Variants in ZFC3H1 observed in about 807,000 individuals in gnomAD.
ZFC3H1 encodes the protein zinc finger C3H1 domain-containing protein.
ZFC3H1 carries 71 observed loss-of-function variants against 243.7 expected under a neutral mutation model. The observed-to-expected ratio is 0.29, with a 90% CI of 0.24 to 0.36. ZFC3H1 has a LOEUF of 0.36. ZFC3H1 is among the 10% of genes least tolerant of loss of function. ZFC3H1 has a pLI of 1.00. For synonymous variants in ZFC3H1, 838 were observed against 813.0 expected (o/e 1.03, Z -0.52); for missense variants, 1,966 against 2,317.1 (o/e 0.85, Z 3.11).
chr12:71,634,699 C>A lies in ZFC3H1; in HGVS notation c.2360+5G>T. Reference sequence around the variant, plus strand: ...TTAATGTTAATTACATAAAATTACACTTACTTGGCAATCTCTTCCTTTAAC... The same window carrying A: ...TTAATGTTAATTACATAAAATTACAATTACTTGGCAATCTCTTCCTTTAAC... On this transcript the variant is annotated splice_donor_5th_base_variant and intron_variant, in intron 11 of 34. Coordinates refer to ENST00000378743, the MANE Select transcript of ZFC3H1 (RefSeq NM_144982.5). The A allele has an allele frequency of 6.3e-7, 1 of 1,578,670 alleles. No homozygotes were observed.
At position 71,615,463 on chromosome 12, in the gene ZFC3H1, A is replaced by C. The variant is rs111281133; in HGVS notation, c.5145-147T>G. 3.2e-5 allele frequency: 20 copies of C among 619,110 alleles called. No individual in the cohort carries two copies. In the African/African-American group the frequency reaches 3.5e-4, roughly 11 times the overall value. The allele number at this position is 619,110 out of a possible 1,614,324, so 38.4% of individuals were successfully genotyped here. A position where few individuals can be genotyped will look rare whatever the true frequency, so the allele number is the denominator to read the frequency against. On this transcript the variant is annotated intron_variant, in intron 27 of 34. Transcript: ENST00000378743. ...GAGACTTTCTTTTCATAGGTATACC[A>C]TACCTCTTTGGTCACATCTCTAGGA...
At chr12:71,660,004 G>A (rs578046662) in intron 1 of ZFC3H1, among the ~76,000 whole-genome samples, 1 of 152,248 alleles carries the variant, frequency 6.6e-6, no homozygotes, top group South Asian at 2.1e-4. Flanking sequence ...AACTGCAATT[G>A]AATCTAGTTT....
rs763765565 is a variant in ZFC3H1 at position 71,632,089 on chromosome 12, T to C, written c.3243A>G (p.Glu1081=). ...KLNKNTVEKP[E]LFLGLKIGEL... ...CACCAATTTTTAACCCTAGAAAAAG[T>C]TCTGGTTTTTCTACAGTATTTTTAT... The change falls in exon 15 of 35, where the codon GAA becomes GAG. Residue 1081 remains glutamate, a synonymous_variant. Coordinates refer to ENST00000378743, the MANE Select transcript of ZFC3H1 (RefSeq NM_144982.5). 56 of 1,611,114 alleles carry C rather than the reference T, an allele frequency of 3.5e-5. No individual in the cohort carries two copies. Among genetic ancestry groups the C allele is most frequent in the Non-Finnish European group, 3.7e-5 (44 of 1,179,176 alleles).
chr12:71,624,938 G>C (rs183865331), intron 22 of ZFC3H1, among the ~76,000 whole-genome samples: 1 of 152,336 alleles, frequency 6.6e-6, no homozygotes, highest in East Asian at 1.9e-4. Flanking sequence ...TTGCACTCCA[G>C]CCTGGGTGAC....
chr12:71,630,292 T>C (rs1196848286), intron 18 of ZFC3H1, among the ~76,000 whole-genome samples: 1 of 152,182 alleles, frequency 6.6e-6, no homozygotes, highest in African/African-American at 2.4e-5. Context: ...TTTAAATAAA[T>C]GGAACTAAAT....
chr12:71,626,344 G>C lies in ZFC3H1; in HGVS notation c.4233C>G (p.Phe1411Leu). The part of the protein sequence containing the change: ...PEIWCHYLRL[F>L]SKRGTKDEVQ... ...CCTCGTCCTTGGTTCCTCTTTTTGA[G>C]AACAATCTGAGGTAATGGCACCAAA... Residue 1411 changes from phenylalanine (F) to leucine (L), a missense_variant, in exon 22 of 35, where the codon TTC becomes TTG. Coordinates refer to ENST00000378743, the MANE Select transcript of ZFC3H1 (RefSeq NM_144982.5). 5 of 1,613,952 alleles carry C rather than the reference G, an allele frequency of 3.1e-6. No individual in the cohort carries two copies. Among genetic ancestry groups the C allele is most frequent in the Non-Finnish European group, 4.2e-6 (5 of 1,179,982 alleles).
rs1880168493 is a variant in ZFC3H1 at position 71,626,416 on chromosome 12, T to C, written c.4161A>G (p.Leu1387=). The C allele has an allele frequency of 6.2e-7, 1 of 1,613,960 alleles. No individual in the cohort carries two copies. Among genetic ancestry groups the C allele is most frequent in the Non-Finnish European group, 8.5e-7 (1 of 1,179,954 alleles). ...GECSESLDSA[L]NVLARALENN... Reference sequence around the variant, plus strand: ...TTTCCAATGCTCGCGCCAGAACATTTAAAGCAGAATCCAAGGATTCTGAGC... The same window carrying C: ...TTTCCAATGCTCGCGCCAGAACATTCAAAGCAGAATCCAAGGATTCTGAGC... Residue 1387 remains leucine (L), a synonymous_variant, in exon 22 of 35, where the codon TTA becomes TTG. Transcript: ENST00000378743.
rs199750841 is a variant in ZFC3H1, at chr12:71,637,090, G to A, written c.1726-31C>T. 3.2e-5 allele frequency: 51 copies of A among 1,571,426 alleles called. No homozygotes were observed. The Admixed American group carries it at 3.7e-4, about 11-fold the overall frequency. On this transcript the variant is annotated intron_variant, in intron 7 of 34. Coordinates refer to ENST00000378743, the MANE Select transcript of ZFC3H1 (RefSeq NM_144982.5). ...TTTTAAAAAAAGAAAGAATTACAAC[G>A]CAAATTTTATCAACTCAAATGCTTC...
At chr12:71,615,172 A>T (rs375968403) in intron 28 of ZFC3H1, 34 bp downstream of exon 28, 1 of 1,477,366 alleles carries the variant, frequency 6.8e-7, no homozygotes, top group Non-Finnish European at 9.4e-7. Context: ...ATGCAGGCCT[A>T]GTATGCAATA....
intron 22 of ZFC3H1, 129 bp downstream of exon 22, chr12:71,626,131 G>A (rs2137527965): frequency 4.4e-6 from 4 of 908,796 alleles, no homozygotes; most frequent in Non-Finnish European, 4.6e-6. Flanking sequence ...CTGAAAGTAA[G>A]GTTATTATGT....
chr12:71,659,660 T>C (rs531993045), intron 1 of ZFC3H1, among the ~76,000 whole-genome samples: 1 of 152,290 alleles, frequency 6.6e-6, no homozygotes, highest in East Asian at 1.9e-4. Flanking sequence ...GCAATTGAGT[T>C]ACAACTATAA....
intron 1 of ZFC3H1, chr12:71,660,232 A>T (rs1239222109): frequency 6.6e-6 from 1 of 152,214 alleles, no homozygotes; most frequent in African/African-American, 2.4e-5. Context: ...ACTGAGTACA[A>T]CCTTGATATT....
chr12:71,629,788 T>C (rs1880274986), intron 18 of ZFC3H1, 78 bp from the exon 19 acceptor site: 1 of 932,494 alleles, frequency 1.1e-6, no homozygotes, highest in Non-Finnish European at 1.7e-6. Context: ...TGACGTGAAC[T>C]AGTTTAAGAA....
chr12:71,640,090 C>CA (rs2137543729), intron 6 of ZFC3H1, among the ~76,000 whole-genome samples: 1 of 152,306 alleles, frequency 6.6e-6, no homozygotes, highest in African/African-American at 2.4e-5. Context: ...GGCACCATCT[C>CA]AGCTCACTAC....
intron 1 of ZFC3H1, 78 bp downstream of exon 1, chr12:71,662,935 C>T (rs1881224774): frequency 2.2e-5 from 31 of 1,379,598 alleles, no homozygotes; most frequent in Non-Finnish European, 2.7e-5. Flanking sequence ...CAAAGTTACA[C>T]TCGTCTCACA....
At chr12:71,631,091 G>T in intron 16 of ZFC3H1, 137 bp from the exon 17 acceptor site, 1 of 884,924 alleles carries the variant, frequency 1.1e-6, no homozygotes, top group Non-Finnish European at 1.5e-6. Flanking sequence ...TTAAATTAAT[G>T]CCAAAATTAA....
Position 71,623,570 on chromosome 12 carries a change from T to A in ZFC3H1, c.4534A>T (p.Ile1512Leu). The change falls in exon 24 of 35, where the codon ATA becomes TTA. Residue 1512 changes from isoleucine (I) to leucine (L), a missense_variant. Around this residue, in one of 4 missense-constraint regions of ZFC3H1, gnomAD observed 1,383 missense variants for 1,723.7 expected, o/e 0.80. Transcript: ENST00000378743. ...QNALKSANDGIVAEYLKTSDR... is the reference protein window; with the variant it reads ...QNALKSANDGLVAEYLKTSDR... ...CTGGTTTTAAGGTATTCAGCTACTA[T>A]TCCATCATTAGCAGATTTCAATGCA... is the stretch of plus-strand genomic sequence containing the variant. The A allele has an allele frequency of 6.2e-7, 1 of 1,611,034 alleles. No homozygotes were observed. The highest frequency in any genetic ancestry group is 1.7e-4 in the Middle Eastern group (1 of 6,034).
chr12:71,654,032 G>C (rs1880955657), intron 2 of ZFC3H1, among the ~76,000 whole-genome samples: 1 of 151,904 alleles, frequency 6.6e-6, no homozygotes, highest in Non-Finnish European at 1.5e-5. Flanking sequence ...CAAACAAAAA[G>C]CATATAATTA....
At chr12:71,656,773 A>G (rs1267841717) in intron 2 of ZFC3H1, 112 bp downstream of exon 2, 54 of 1,160,124 alleles carry the variant, frequency 4.7e-5, no homozygotes, top group Non-Finnish European at 1.1e-5. Flanking sequence ...AGAAAGTACA[A>G]AAGAATTTAC....
Sources: gnomAD v4.1 joint callset for allele counts (sites outside exome capture counted in the v4.1 genomes callset) on GRCh38, gnomAD v4.1.1 for gene constraint, gnomAD v4.1.1 regional missense constraint, MANE v1.5 for transcripts, NCBI Gene and HGNC (gene_info 2026-07-23, HGNC 2026-07-21) for gene names.